HOTAIR: variants seen among roughly 807,000 people sequenced by gnomAD.
HOTAIR encodes HOX transcript antisense RNA (non-protein coding).
In HOTAIR at chr12:53,973,621, C is replaced by A; in HGVS notation, n.59+1277G>T. 2 of 1,613,828 alleles carry A rather than the reference C, an allele frequency of 1.2e-6. No homozygotes were observed. The highest frequency in any genetic ancestry group is 1.7e-6 in the Non-Finnish European group (2 of 1,180,030). On this transcript the variant is annotated intron_variant and non_coding_transcript_variant, in intron 1 of 6. Coordinates refer to ENST00000424518, the Ensembl canonical transcript of HOTAIR. The surrounding 1 kb of genome is among the most constrained non-coding windows in gnomAD (Gnocchi z 4.3). Reference sequence around the variant, plus strand: ...GGCTCCTACGGCGGCCACCACCACCCCAGCGCCCCGCACGCAACCCCCGCC... The same window carrying A: ...GGCTCCTACGGCGGCCACCACCACCACAGCGCCCCGCACGCAACCCCCGCC...
At chr12:53,968,350 T>C (rs911467435) in intron 2 of HOTAIR, 3 of 152,224 alleles carry the variant, frequency 2.0e-5, no homozygotes, top group Non-Finnish European at 4.4e-5. Flanking sequence ...GCCAGCCCCA[T>C]GTCTCCTGAG....
chr12:53,965,353 G>A (rs1218681621), intron 5 of HOTAIR, among the ~76,000 whole-genome samples: 2 of 152,230 alleles, frequency 1.3e-5, no homozygotes, highest in African/African-American at 4.8e-5. Flanking sequence ...GACTTTGCAG[G>A]TGGGGCCAAT....
At chr12:53,974,080 A>G (rs1939203279) in intron 1 of HOTAIR, among the ~76,000 whole-genome samples, 1 of 152,036 alleles carries the variant, frequency 6.6e-6, no homozygotes, top group Non-Finnish European at 1.5e-5. Flanking sequence ...GGATTTTATT[A>G]TAACCTACAA....
chr12:53,970,822 C>T (rs1939136558), intron 1 of HOTAIR, among the ~76,000 whole-genome samples: 2 of 152,168 alleles, frequency 1.3e-5, no homozygotes, highest in Non-Finnish European at 2.9e-5. Flanking sequence ...ACAGCCCCTA[C>T]CCCCATCTCA....
chr12:53,973,875 G>A lies in HOTAIR; in HGVS notation n.59+1023C>T, dbSNP rs994008655. 2.1e-6 allele frequency: 3 copies of A among 1,459,778 alleles called. No individual in the cohort carries two copies. Among genetic ancestry groups the A allele is most frequent in the African/African-American group, 2.9e-5 (2 of 69,622 alleles). The allele number at this position is 1,459,778 out of a possible 1,614,324, so 90.4% of individuals were successfully genotyped here. A position where few individuals can be genotyped will look rare whatever the true frequency, so the allele number is the denominator to read the frequency against. ...GGAGAACACAAATCCCAGCTCGTCC[G>A]GTTCAGCCCACTCCGTGGCCAAGGA... On this transcript the variant is annotated intron_variant and non_coding_transcript_variant, in intron 1 of 6. Coordinates refer to ENST00000424518, the Ensembl canonical transcript of HOTAIR. This position sits in a 1 kb window ranked among gnomAD's most constrained non-coding sequence, Gnocchi z 4.3.
chr12:53,968,912 T>A (rs1939104744), intron 1 of HOTAIR: 1 of 152,278 alleles, frequency 6.6e-6, no homozygotes. Context: ...TTGGATTGAT[T>A]AGCTGTTTGT....
In HOTAIR at chr12:53,973,910, A is replaced by G. The variant is rs1001373646; in HGVS notation, n.59+988T>C. 5 of 1,444,152 alleles carry G rather than the reference A, an allele frequency of 3.5e-6. No individual in the cohort carries two copies. In the African/African-American group the frequency reaches 7.2e-5, roughly 21 times the overall value. The allele number at this position is 1,444,152 out of a possible 1,614,324, so 89.5% of individuals were successfully genotyped here. ...ACTCCGTGGCCAAGGAGCCGGCCAA[A>G]GGAGCCGCCCCCAGTAGGTAGCAGC... is the stretch of plus-strand genomic sequence containing the variant. On this transcript the variant is annotated intron_variant and non_coding_transcript_variant, in intron 1 of 6. Transcript: ENST00000424518. The surrounding 1 kb of genome is among the most constrained non-coding windows in gnomAD (Gnocchi z 4.3).
At chr12:53,965,669 C>T (rs940518492) in intron 5 of HOTAIR, among the ~76,000 whole-genome samples, 4 of 151,184 alleles carry the variant, frequency 2.6e-5, no homozygotes, top group Non-Finnish European at 2.9e-5. Flanking sequence ...CCCAGGGAAG[C>T]TATGAAACCA....
At chr12:53,969,177 T>A (rs902878256) in intron 1 of HOTAIR, among the ~76,000 whole-genome samples, 1 of 152,242 alleles carries the variant, frequency 6.6e-6, no homozygotes, top group African/African-American at 2.4e-5. Context: ...CTTAGGAAAC[T>A]GAAGCCCAAT....
At chr12:53,969,283 T>A (rs1426091874) in intron 1 of HOTAIR, among the ~76,000 whole-genome samples, 1 of 152,176 alleles carries the variant, frequency 6.6e-6, no homozygotes. Context: ...AAAATAGGGC[T>A]TTTATGGGAA....
chr12:53,971,452 A>C (rs4512901), intron 1 of HOTAIR, among the ~76,000 whole-genome samples: 59,060 of 152,112 alleles, frequency 0.39, 12,148 homozygotes, highest in African/African-American at 0.53. Flanking sequence ...TAGGGGTTAC[A>C]TATGGAGACA....
intron 1 of HOTAIR, among the ~76,000 whole-genome samples, chr12:53,969,651 C>T (rs1939116728): frequency 1.3e-5 from 2 of 152,230 alleles, no homozygotes; most frequent in Admixed American, 1.3e-4. Context: ...GAAATATAGG[C>T]AAGAAGGTGA....
chr12:53,969,024 G>A (rs1252107728), intron 1 of HOTAIR: 1 of 152,232 alleles, frequency 6.6e-6, no homozygotes, highest in African/African-American at 2.4e-5. Context: ...GGAGGACTAG[G>A]TCCGAGCCTT....
exon 7 of HOTAIR, chr12:53,963,703 C>G (rs1310090131): frequency 6.6e-6 from 1 of 152,186 alleles, no homozygotes; most frequent in African/African-American, 2.4e-5. Context: ...ATAAGAAGAG[C>G]AAGGAAGCCC....
At chr12:53,962,769 G>A (rs955755349) in exon 7 of HOTAIR, 20 of 152,010 alleles carry the variant, frequency 1.3e-4, no homozygotes, top group African/African-American at 3.9e-4. Flanking sequence ...GTGTCTACAT[G>A]CATCACTTAT....
At position 53,973,250 on chromosome 12, in the gene HOTAIR, C is replaced by T. The variant is rs746737594; in HGVS notation, n.59+1648G>A. Reference sequence around the variant, plus strand: ...GGCAGGAGAGGAGAACGATGTTTAACTCGGTCAACCTGGGCAACTTCTGCT... The same window carrying T: ...GGCAGGAGAGGAGAACGATGTTTAATTCGGTCAACCTGGGCAACTTCTGCT... On this transcript the variant is annotated intron_variant and non_coding_transcript_variant, in intron 1 of 6. Coordinates refer to ENST00000424518, the Ensembl canonical transcript of HOTAIR. This position sits in a 1 kb window ranked among gnomAD's most constrained non-coding sequence, Gnocchi z 4.3. 2.5e-6 allele frequency: 4 copies of T among 1,596,340 alleles called. No homozygotes were observed. Among genetic ancestry groups the T allele is most frequent in the South Asian group, 1.1e-5 (1 of 88,072 alleles).
intron 2 of HOTAIR, chr12:53,968,524 G>C (rs1392396081): frequency 6.6e-6 from 1 of 152,270 alleles, no homozygotes; most frequent in Non-Finnish European, 1.5e-5. Flanking sequence ...TGAGCCCGCC[G>C]AAAGGAAAGC....
At position 53,973,991 on chromosome 12, in the gene HOTAIR, G is replaced by C; in HGVS notation, n.59+907C>G. Reference sequence around the variant, plus strand: ...GAGCGAGAGAGGGAGGGCGAGAGAAGGGGGGAGGCAAGGGGAGCGGGGACG... The same window carrying C: ...GAGCGAGAGAGGGAGGGCGAGAGAACGGGGGAGGCAAGGGGAGCGGGGACG... On this transcript the variant is annotated intron_variant and non_coding_transcript_variant, in intron 1 of 6. Transcript: ENST00000424518. This position sits in a 1 kb window ranked among gnomAD's most constrained non-coding sequence, Gnocchi z 4.3. 1 of 1,342,390 alleles carries C rather than the reference G, an allele frequency of 7.4e-7. No homozygotes were observed. Among genetic ancestry groups the C allele is most frequent in the Non-Finnish European group, 9.8e-7 (1 of 1,018,350 alleles). 83.2% of individuals were successfully genotyped at this position (1,342,390 alleles called of 1,614,324 possible).
chr12:53,964,064 C>G (rs1053388018), exon 7 of HOTAIR: 5 of 152,256 alleles, frequency 3.3e-5, no homozygotes, highest in Admixed American at 2.0e-4. Context: ...TCCTCTGGCT[C>G]TCTCTCTAGC....
Sources: allele counts gnomAD v4.1 joint callset (sites outside exome capture counted in the v4.1 genomes callset), GRCh38; gene constraint gnomAD v4.1.1; non-coding constraint Gnocchi (gnomAD v3.1); transcripts MANE v1.5; gene names NCBI Gene and HGNC (gene_info 2026-07-23, HGNC 2026-07-21).